The following NLRP11 variants were observed in gnomAD, a reference collection of about 807,000 sequenced individuals.
NLRP11 encodes NLR family pyrin domain containing 11, also known as NACHT, LRR and PYD domains-containing protein 11.
NLRP11 carries 53 observed loss-of-function variants against 79.3 expected under a neutral mutation model. The observed-to-expected ratio is 0.67, with a 90% CI of 0.54 to 0.84. The LOEUF is 0.84. Ranked by LOEUF, NLRP11 falls within the 40% of genes least tolerant of loss-of-function variation. The pLI is 0.00. For missense variants in NLRP11, 1,264 were observed against 1,255.0 expected (o/e 1.01, Z -0.11); for synonymous variants, 518 against 462.6 (o/e 1.12, Z -1.54).
At chr19:55,834,013 TTC>T (rs1450355219), upstream of NLRP11, among the ~76,000 whole-genome samples, 6 of 152,210 alleles carry the variant, frequency 3.9e-5, no homozygotes, top group East Asian at 1.2e-3. Context: ...GACTTAATAC[TTC>T]TGTGTGAAAT....
At chr19:55,827,161 G>A (rs182934321) in intron 1 of NLRP11, among the ~76,000 whole-genome samples, 1 of 137,300 alleles carries the variant, frequency 7.3e-6, no homozygotes, top group Non-Finnish European at 1.5e-5. Context: ...ACAAGCAATG[G>A]GGAAAGGATT....
chr19:55,832,392 C>A (rs1982885442), upstream of NLRP11, among the ~76,000 whole-genome samples: 1 of 152,220 alleles, frequency 6.6e-6, no homozygotes, highest in Non-Finnish European at 1.5e-5. Context: ...AGGATCCTTT[C>A]AAATCTGAGG....
chr19:55,789,539 T>A, intron 7 of NLRP11, 140 bp from the exon 8 acceptor site: 1 of 715,744 alleles, frequency 1.4e-6, no homozygotes, highest in Non-Finnish European at 2.4e-6. Context: ...AGTGTTAACA[T>A]CTACAGGTCA....
At chr19:55,796,979 G>A (rs1978975321) in intron 5 of NLRP11, among the ~76,000 whole-genome samples, 1 of 152,126 alleles carries the variant, frequency 6.6e-6, no homozygotes, top group Non-Finnish European at 1.5e-5. Context: ...ATGAGCCACT[G>A]TGTCCGGTCT....
At chr19:55,812,538 G>A (rs577822334) in intron 2 of NLRP11, among the ~76,000 whole-genome samples, 6 of 152,288 alleles carry the variant, frequency 3.9e-5, no homozygotes, top group Non-Finnish European at 7.3e-5. Context: ...TAAAAATCAC[G>A]ATGAGCTATT....
At chr19:55,798,249 C>T (rs753802563) in intron 5 of NLRP11, 8 of 834,366 alleles carry the variant, frequency 9.6e-6, no homozygotes, top group African/African-American at 7.4e-5. Context: ...CTGCCCGCCT[C>T]GGCCTCCCAA....
intron 4 of NLRP11, among the ~76,000 whole-genome samples, chr19:55,804,880 T>C (rs964160802): frequency 1.3e-5 from 2 of 152,024 alleles, no homozygotes; most frequent in East Asian, 1.9e-4. Flanking sequence ...CTGGCTAACA[T>C]AGTGAAACCC....
intron 5 of NLRP11, among the ~76,000 whole-genome samples, chr19:55,799,676 C>T (rs1414821935): frequency 1.3e-5 from 2 of 152,074 alleles, no homozygotes; most frequent in Non-Finnish European, 2.9e-5. Context: ...CAATGACTCT[C>T]AAGAACCATG....
intron 5 of NLRP11, among the ~76,000 whole-genome samples, chr19:55,796,783 T>C (rs943867005): frequency 6.7e-6 from 1 of 150,042 alleles, no homozygotes; most frequent in East Asian, 2.0e-4. Context: ...GCCTCCCGGG[T>C]TTTTAAGCGA....
At chr19:55,799,724 G>A (rs1244257272) in intron 5 of NLRP11, among the ~76,000 whole-genome samples, 1 of 152,042 alleles carries the variant, frequency 6.6e-6, no homozygotes, top group African/African-American at 2.4e-5. Context: ...GAGGGGCTGG[G>A]TGCAGTGGCT....
At chr19:55,817,150 C>T (rs1379533417) in intron 2 of NLRP11, among the ~76,000 whole-genome samples, 1 of 150,178 alleles carries the variant, frequency 6.7e-6, no homozygotes. Context: ...CTTACTCCTG[C>T]AAGAATGGCC....
In NLRP11 at chr19:55,817,992, CT is replaced by C; in HGVS notation, c.182del (p.Glu61GlyfsTer15). ...AGAGCATATTCCATATATACTGTCC[CT>C]CATAAGAGATTGGCAACACGTTAGC... On this transcript the variant is annotated frameshift_variant, in exon 2 of 10. Transcript: ENST00000589093. LOFTEE classifies it high-confidence loss of function. 1 of 1,613,450 alleles carries C rather than the reference CT, an allele frequency of 6.2e-7. No homozygotes were observed. Among genetic ancestry groups the C allele is most frequent in the Non-Finnish European group, 8.5e-7 (1 of 1,179,428 alleles).
At position 55,809,692 on chromosome 19, in the gene NLRP11, C is replaced by G; in HGVS notation, c.918G>C (p.Glu306Asp). 2.5e-6 allele frequency: 4 copies of G among 1,614,102 alleles called. No individual in the cohort carries two copies. Among genetic ancestry groups the G allele is most frequent in the Non-Finnish European group, 3.4e-6 (4 of 1,179,974 alleles). The change falls in exon 3 of 10, where the codon GAG becomes GAC. Residue 306 changes from glutamate (E) to aspartate (D), a missense_variant. By Grantham distance (45) the Glu-to-Asp change is conservative. Transcript: ENST00000589093. This position sits in a 1 kb window ranked among gnomAD's most constrained non-coding sequence, Gnocchi z 4.5. ...CTTTAAAGAAAGAGTTAAAATATAT[C>G]TCCCTCTTCCCATTCGACAGCTGCA...
chr19:55,822,631 C>G (rs1021429112), intron 1 of NLRP11, among the ~76,000 whole-genome samples: 24 of 152,092 alleles, frequency 1.6e-4, no homozygotes, highest in Non-Finnish European at 2.5e-4. Flanking sequence ...GTTCCCTTTC[C>G]GAGTCAAAGA....
At chr19:55,805,129 A>C (rs1408899176) in intron 4 of NLRP11, among the ~76,000 whole-genome samples, 1 of 152,060 alleles carries the variant, frequency 6.6e-6, no homozygotes, top group Non-Finnish European at 1.5e-5. Flanking sequence ...TCCCACCACC[A>C]CCACCGGCCC....
chr19:55,822,231 C>A (rs1023269270), intron 1 of NLRP11, among the ~76,000 whole-genome samples: 1 of 151,988 alleles, frequency 6.6e-6, no homozygotes, highest in Non-Finnish European at 1.5e-5. Flanking sequence ...GCCACTGCAC[C>A]CCAGCCTGGG....
intron 6 of NLRP11, among the ~76,000 whole-genome samples, chr19:55,795,771 A>T (rs978132931): frequency 1.3e-5 from 2 of 152,100 alleles, no homozygotes; most frequent in African/African-American, 4.8e-5. Context: ...TACAGGCGTG[A>T]GCCACCGCGT....
At chr19:55,806,741 G>A (rs1254467808) in intron 4 of NLRP11, among the ~76,000 whole-genome samples, 1 of 152,112 alleles carries the variant, frequency 6.6e-6, no homozygotes, top group Admixed American at 6.5e-5. Flanking sequence ...TCCTGACACT[G>A]GTTTACAACA....
At chr19:55,816,008 T>C (rs550396397) in intron 2 of NLRP11, among the ~76,000 whole-genome samples, 2 of 152,346 alleles carry the variant, frequency 1.3e-5, no homozygotes, top group African/African-American at 4.8e-5. Context: ...GCCAGAAGCC[T>C]GTGAGTCATA....
Sources: allele counts gnomAD v4.1 joint callset (sites outside exome capture counted in the v4.1 genomes callset), GRCh38; gene constraint gnomAD v4.1.1; non-coding constraint Gnocchi (gnomAD v3.1); transcripts MANE v1.5; gene names NCBI Gene and HGNC (gene_info 2026-07-23, HGNC 2026-07-21).